The following CTNNA3 variants were observed in gnomAD, a reference collection of about 807,000 sequenced individuals.
CTNNA3 encodes the protein catenin alpha-3.
Under a neutral mutation model 95.7 loss-of-function variants are expected in CTNNA3, and 76 were observed. That is an observed-to-expected ratio of 0.79 (90% confidence interval 0.66 to 0.96). CTNNA3 has a LOEUF of 0.96. Ranked by LOEUF, CTNNA3 falls within the 40% of genes least tolerant of loss-of-function variation. The probability of loss-of-function intolerance (pLI) is 0.00; values close to 1 mark genes in which losing one functional copy is unlikely to be tolerated. For missense variants in CTNNA3, 1,191 were observed against 1,089.8 expected, an observed-to-expected ratio of 1.09 and a Z score of -1.31; for synonymous variants, 431 against 374.4, an observed-to-expected ratio of 1.15 and a Z score of -1.74.
chr10:66,272,540 G>A (rs1009496823), intron 13 of CTNNA3, among the ~76,000 whole-genome samples: 11 of 151,922 alleles, frequency 7.2e-5, no homozygotes, highest in Non-Finnish European at 1.3e-4. Context: ...GCCAAGCACC[G>A]GGAACTGTCG....
At chr10:67,111,637 G>T (rs1858913576) in intron 7 of CTNNA3, among the ~76,000 whole-genome samples, 1 of 151,898 alleles carries the variant, frequency 6.6e-6, no homozygotes, top group South Asian at 2.1e-4. Context: ...GTGTTAGAAA[G>T]TTATCTATTG....
chr10:67,114,321 T>C (rs1402781411), intron 7 of CTNNA3, among the ~76,000 whole-genome samples: 3 of 152,112 alleles, frequency 2.0e-5, no homozygotes, highest in Admixed American at 2.0e-4. Flanking sequence ...TAGACAAGGT[T>C]CTGGATTATA....
chr10:66,326,377 G>C (rs7911836), intron 12 of CTNNA3, among the ~76,000 whole-genome samples: 45,071 of 151,888 alleles, frequency 0.3, 7,814 homozygotes, highest in Non-Finnish European at 0.39. Context: ...GGCACAGGTA[G>C]TACTTATAAA....
intron 7 of CTNNA3, among the ~76,000 whole-genome samples, chr10:66,821,776 A>G (rs1351802456): frequency 2.6e-5 from 4 of 152,056 alleles, no homozygotes; most frequent in Admixed American, 2.6e-4. Flanking sequence ...CGCTTTTATC[A>G]TCGTATTTAT....
chr10:66,858,719 G>C (rs1032407795), intron 7 of CTNNA3, among the ~76,000 whole-genome samples: 1 of 151,852 alleles, frequency 6.6e-6, no homozygotes, highest in Non-Finnish European at 1.5e-5. Flanking sequence ...GTACTTCTGT[G>C]GGGTCAGCGG....
At chr10:67,186,466 C>T (rs968753974) in intron 6 of CTNNA3, among the ~76,000 whole-genome samples, 3 of 152,206 alleles carry the variant, frequency 2.0e-5, no homozygotes, top group African/African-American at 7.2e-5. Flanking sequence ...TCTGTTCTGA[C>T]ATCTGACACC....
At chr10:66,392,025 A>C (rs370626139) in intron 11 of CTNNA3, among the ~76,000 whole-genome samples, 3 of 152,090 alleles carry the variant, frequency 2.0e-5, no homozygotes, top group South Asian at 2.1e-4. Context: ...GGGTTTGGCA[A>C]GAACTTTTAA....
intron 10 of CTNNA3, among the ~76,000 whole-genome samples, chr10:66,605,454 G>A (rs374799656): frequency 1.2e-4 from 18 of 152,130 alleles, no homozygotes; most frequent in East Asian, 5.8e-4. Flanking sequence ...CAGGAAATGC[G>A]AAGAACCCCA....
chr10:66,072,515 G>C (rs994387596), intron 14 of CTNNA3, among the ~76,000 whole-genome samples: 2 of 152,046 alleles, frequency 1.3e-5, no homozygotes, highest in Non-Finnish European at 2.9e-5. Context: ...CATGATCTCA[G>C]CTCACTGCCA....
intron 16 of CTNNA3, among the ~76,000 whole-genome samples, chr10:65,967,083 G>A (rs1485967168): frequency 2.0e-5 from 3 of 151,626 alleles, no homozygotes; most frequent in African/African-American, 7.3e-5. Context: ...CAGCCTCCCG[G>A]GTAGCTGTGA....
chr10:67,679,782 G>C (rs1589560834), intron 1 of CTNNA3, among the ~76,000 whole-genome samples: 1 of 152,196 alleles, frequency 6.6e-6, no homozygotes, highest in Admixed American at 6.5e-5. Flanking sequence ...TACACTGTTG[G>C]TCAAAGTGAA....
intron 5 of CTNNA3, among the ~76,000 whole-genome samples, chr10:67,444,701 A>G (rs1398815069): frequency 1.6e-5 from 1 of 64,106 alleles, no homozygotes; most frequent in Non-Finnish European, 6.2e-5. Context: ...AAAATCAGAG[A>G]TTAAAAAAGA....
chr10:66,587,944 A>G (rs542717891), intron 10 of CTNNA3, among the ~76,000 whole-genome samples: 7 of 152,092 alleles, frequency 4.6e-5, no homozygotes, highest in Non-Finnish European at 1.0e-4. Flanking sequence ...TCTGGCCAAC[A>G]GGGTTTATCC....
chr10:66,995,078 G>C (rs7478674), intron 7 of CTNNA3, among the ~76,000 whole-genome samples: 77,155 of 151,968 alleles, frequency 0.51, 20,443 homozygotes, highest in East Asian at 0.78. Context: ...AGATGTGTCA[G>C]TTGAGCAACA....
chr10:66,666,470 T>G (rs750075981), intron 9 of CTNNA3, among the ~76,000 whole-genome samples: 1 of 152,192 alleles, frequency 6.6e-6, no homozygotes, highest in Non-Finnish European at 1.5e-5. Flanking sequence ...AAAGCAACTG[T>G]TAAAAAATTG....
At chr10:66,610,867 A>G (rs911106897) in intron 10 of CTNNA3, among the ~76,000 whole-genome samples, 6 of 152,152 alleles carry the variant, frequency 3.9e-5, no homozygotes, top group African/African-American at 1.4e-4. Context: ...GCCAAAATCC[A>G]TATTTTGTTA....
intron 7 of CTNNA3, among the ~76,000 whole-genome samples, chr10:67,087,431 C>A (rs1182756883): frequency 6.6e-6 from 1 of 151,466 alleles, no homozygotes; most frequent in East Asian, 1.9e-4. Flanking sequence ...GGGAAAATCA[C>A]CAAATTAAGG....
At chr10:66,786,915 A>T (rs954132232) in intron 7 of CTNNA3, among the ~76,000 whole-genome samples, 6 of 152,132 alleles carry the variant, frequency 3.9e-5, no homozygotes. Context: ...GCAAAGTCCA[A>T]CTCTACAGCG....
chr10:67,558,844 A>T (rs183482201), intron 3 of CTNNA3, among the ~76,000 whole-genome samples: 5 of 152,192 alleles, frequency 3.3e-5, no homozygotes, highest in African/African-American at 9.6e-5. Context: ...TATCCCGCAC[A>T]TGGCTCGGAG....
Sources: gnomAD v4.1 joint callset for allele counts (sites outside exome capture counted in the v4.1 genomes callset) on GRCh38, gnomAD v4.1.1 for gene constraint, MANE v1.5 for transcripts, NCBI Gene and HGNC (gene_info 2026-07-23, HGNC 2026-07-21) for gene names.